Variants in KANK1 observed in about 807,000 individuals in gnomAD.
The protein encoded by KANK1 is KN motif and ankyrin repeat domains 1, also known as KN motif and ankyrin repeat domain-containing protein 1.
In KANK1, 109 loss-of-function variants were observed where a neutral mutation model predicts 106.2. The observed-to-expected ratio is 1.03, with a 90% CI of 0.88 to 1.20. The LOEUF (loss-of-function observed/expected upper bound fraction) is 1.20. KANK1 is among the 50% of genes most tolerant of loss of function. The pLI is 0.00. For missense variants in KANK1, 2,399 were observed against 1,710.7 expected (o/e 1.40, Z -7.10); for synonymous variants, 873 against 652.2 (o/e 1.34, Z -5.16).
intron 1 of KANK1, among the ~76,000 whole-genome samples, chr9:661,586 C>T (rs547947534): frequency 1.2e-4 from 18 of 151,898 alleles, no homozygotes; most frequent in Admixed American, 7.9e-4. Context: ...AATAAACATA[C>T]ATATGCATGT....
At chr9:691,055 G>A (rs1418126062) in intron 2 of KANK1, among the ~76,000 whole-genome samples, 2 of 152,212 alleles carry the variant, frequency 1.3e-5, no homozygotes, top group Admixed American at 6.5e-5. Flanking sequence ...CTTTGTGACT[G>A]ATGGTTTCCA....
At chr9:491,563 G>A (rs1050628569) in intron 3 of KANK1, among the ~76,000 whole-genome samples, 4 of 152,046 alleles carry the variant, frequency 2.6e-5, no homozygotes, top group Non-Finnish European at 2.9e-5. Flanking sequence ...CACTGTGCCC[G>A]GCCTGGAGTG....
chr9:475,324 A>G (rs2058084953), intron 3 of KANK1, among the ~76,000 whole-genome samples: 1 of 152,224 alleles, frequency 6.6e-6, no homozygotes, highest in Non-Finnish European at 1.5e-5. Flanking sequence ...ACATATGGAC[A>G]GCCCACCCCA....
intron 3 of KANK1, among the ~76,000 whole-genome samples, chr9:722,710 G>T (rs1000737817): frequency 6.6e-6 from 1 of 152,202 alleles, no homozygotes; most frequent in Admixed American, 6.5e-5. Context: ...TGACAAAGGA[G>T]AGCCAGTTTG....
At chr9:720,355 G>A (rs1252614929) in intron 3 of KANK1, among the ~76,000 whole-genome samples, 1 of 152,080 alleles carries the variant, frequency 6.6e-6, no homozygotes, top group Non-Finnish European at 1.5e-5. Context: ...CTGTCGTTTT[G>A]TTTTGTTGAG....
intron 1 of KANK1, among the ~76,000 whole-genome samples, chr9:578,627 A>G (rs1229645741): frequency 6.6e-6 from 1 of 152,176 alleles, no homozygotes; most frequent in African/African-American, 2.4e-5. Context: ...AGCTAGATTT[A>G]TGCACTGTTA....
chr9:490,267 C>CA (rs1564118972), intron 3 of KANK1, among the ~76,000 whole-genome samples: 1 of 151,992 alleles, frequency 6.6e-6, no homozygotes, highest in Non-Finnish European at 1.5e-5. Flanking sequence ...TTTGGGAGCC[C>CA]AAAAAAGGTG....
chr9:572,604 T>C (rs1410988902), intron 1 of KANK1, among the ~76,000 whole-genome samples: 1 of 152,040 alleles, frequency 6.6e-6, no homozygotes, highest in Non-Finnish European at 1.5e-5. Flanking sequence ...TTGCCCAGGC[T>C]GGTCTTGAAT....
rs111748694 is a variant in KANK1, at chr9:696,896, C to T, written c.38-13908C>T. 6.7e-3 allele frequency among the ~76,000 whole-genome samples: 1,015 copies of T among 152,246 alleles called. 4 individuals are homozygous for T. Among genetic ancestry groups the T allele is most frequent in the Non-Finnish European group, 0.012 (789 of 68,014 alleles). Reference sequence around the variant, plus strand: ...AACAGCAGAGTCTGGGCTGTGCTCCCTAGTGGCAGGCTGACTGCACTCGTG... The same window carrying T: ...AACAGCAGAGTCTGGGCTGTGCTCCTTAGTGGCAGGCTGACTGCACTCGTG... On this transcript the variant is annotated intron_variant, in intron 2 of 11. Coordinates refer to ENST00000382297, the MANE Select transcript of KANK1 (RefSeq NM_015158.5).
Position 486,616 on chromosome 9 carries a change from T to A in KANK1, c.-362+13343T>A, listed in dbSNP as rs116611882. Among the ~76,000 whole-genome samples, 1,105 of 152,306 alleles carry A rather than the reference T, an allele frequency of 7.3e-3. 15 individuals are homozygous for A. Among genetic ancestry groups the A allele is most frequent in the African/African-American group, 0.024 (992 of 41,566 alleles). On this transcript the variant is annotated intron_variant, in intron 3 of 15. Coordinates refer to the KANK1 transcript ENST00000382303. ...GGCTACAGAGGCCACACTCTTAATC[T>A]GTGCACTGTACTGCCTTTTATAAAT...
intron 1 of KANK1, among the ~76,000 whole-genome samples, chr9:652,409 G>T (rs1036937084): frequency 2.6e-5 from 4 of 152,156 alleles, no homozygotes; most frequent in African/African-American, 9.7e-5. Flanking sequence ...TGTAATCCCA[G>T]CTACTCAGGA....
At chr9:723,963 C>A (rs528866333) in intron 3 of KANK1, among the ~76,000 whole-genome samples, 1 of 146,746 alleles carries the variant, frequency 6.8e-6, no homozygotes, top group South Asian at 2.1e-4. Context: ...AGAAGCCAGG[C>A]GTGGTTTTGT....
intron 1 of KANK1, among the ~76,000 whole-genome samples, chr9:573,955 T>G (rs1316743225): frequency 3.9e-5 from 6 of 152,246 alleles, no homozygotes; most frequent in African/African-American, 1.4e-4. Context: ...AGTAGAAAGC[T>G]GAGAGTTGCT....
intron 1 of KANK1, among the ~76,000 whole-genome samples, chr9:648,937 G>A (rs1206610193): frequency 6.6e-6 from 1 of 152,128 alleles, no homozygotes; most frequent in South Asian, 2.1e-4. Context: ...TGCAGTTCCT[G>A]GGAGAATGTT....
chr9:579,208 C>T (rs1322136873), intron 1 of KANK1, among the ~76,000 whole-genome samples: 1 of 152,006 alleles, frequency 6.6e-6, no homozygotes, highest in Admixed American at 6.5e-5. Flanking sequence ...GACCCACCCA[C>T]CCTGGGTCTG....
Position 711,193 on chromosome 9 carries a change from C to G in KANK1, c.427C>G (p.Pro143Ala), listed in dbSNP as rs376812268. ...TIPENRQLPPPSPQLPKHNLH... is the reference protein window; with the variant it reads ...TIPENRQLPPASPQLPKHNLH... The stretch of plus-strand genomic sequence containing the variant: ...CCCAGAAAATCGACAGCTGCCACCT[C>G]CCTCACCACAACTCCCAAAGCATAA... The change falls in exon 3 of 12, where the codon CCC (proline) becomes GCC (alanine). Residue 143 changes from proline to alanine, a missense_variant. Coordinates refer to ENST00000382297, the MANE Select transcript of KANK1 (RefSeq NM_015158.5). 1 of 1,614,152 alleles carries G rather than the reference C, an allele frequency of 6.2e-7. No homozygotes were observed. The highest frequency in any genetic ancestry group is 1.7e-5 in the Admixed American group (1 of 60,014).
In KANK1 at chr9:692,377, T is replaced by C. The variant is rs573069851; in HGVS notation, c.37+15368T>C. On this transcript the variant is annotated intron_variant, in intron 2 of 11. Transcript: ENST00000382297. Reference sequence around the variant, plus strand: ...GGTTTATACCAAATAAACCAACAGATTAAAAAATAACAAACTAAAAACAAA... The same window carrying C: ...GGTTTATACCAAATAAACCAACAGACTAAAAAATAACAAACTAAAAACAAA... Among the ~76,000 whole-genome samples the C allele has an allele frequency of 1.3e-3, 194 of 152,234 alleles. 2 individuals are homozygous for C. Among genetic ancestry groups the C allele is most frequent in the African/African-American group, 4.5e-3 (185 of 41,526 alleles).
chr9:514,144 C>G (rs866383190), intron 1 of KANK1, among the ~76,000 whole-genome samples: 3 of 82,010 alleles, frequency 3.7e-5, no homozygotes, highest in Non-Finnish European at 6.4e-5. Flanking sequence ...CCCTCCCTCC[C>G]TTCCTCTCTC....
At chr9:561,790 T>C (rs1363122167) in intron 1 of KANK1, among the ~76,000 whole-genome samples, 1 of 152,214 alleles carries the variant, frequency 6.6e-6, no homozygotes, top group Non-Finnish European at 1.5e-5. Flanking sequence ...AACTTTCACA[T>C]TTCAGTCTTA....
Sources: gnomAD v4.1 joint callset for allele counts (sites outside exome capture counted in the v4.1 genomes callset) on GRCh38, gnomAD v4.1.1 for gene constraint, MANE v1.5 for transcripts, NCBI Gene and HGNC (gene_info 2026-07-23, HGNC 2026-07-21) for gene names.